SMG1: variants seen among roughly 807,000 people sequenced by gnomAD.
The protein encoded by SMG1 is SMG1 nonsense mediated mRNA decay associated PI3K related kinase.
A neutral mutation model predicts 419.9 loss-of-function variants in SMG1; 22 were observed. The ratio of observed to expected loss-of-function variants is 0.05; its 90% confidence interval spans 0.04 to 0.07. The LOEUF (loss-of-function observed/expected upper bound fraction) is 0.07. Ranked by LOEUF, SMG1 falls within the 10% of genes least tolerant of loss-of-function variation. The pLI, the probability that SMG1 is intolerant of heterozygous loss-of-function variation, is 1.00. For missense variants in SMG1, 3,185 were observed against 4,342.0 expected, an observed-to-expected ratio of 0.73 and a Z score of 7.49; for synonymous variants, 1,538 against 1,553.5, an observed-to-expected ratio of 0.99 and a Z score of 0.23.
chr16:18,841,941 A>G (rs2033950005), intron 40 of SMG1, 147 bp from the exon 41 acceptor site: 1 of 749,918 alleles, frequency 1.3e-6, no homozygotes, highest in Middle Eastern at 3.5e-4. Flanking sequence ...TTTTGGGACA[A>G]GATATTGGCA....
intron 3 of SMG1, among the ~76,000 whole-genome samples, chr16:18,894,006 G>A (rs1305980419): frequency 6.6e-6 from 1 of 151,712 alleles, no homozygotes; most frequent in Non-Finnish European, 1.5e-5. Flanking sequence ...GCAGTGAGCT[G>A]AGATTGCGCC....
intron 58 of SMG1, chr16:18,815,944 CA>C (rs2031962057): frequency 2.2e-6 from 1 of 451,858 alleles, no homozygotes; most frequent in Non-Finnish European, 3.9e-6. Flanking sequence ...GAAGAGACAA[CA>C]TTTCATTCAT....
At chr16:18,831,100 T>C (rs2033144004) in intron 51 of SMG1, among the ~76,000 whole-genome samples, 2 of 152,216 alleles carry the variant, frequency 1.3e-5, no homozygotes, top group East Asian at 3.8e-4. Flanking sequence ...TTTTTATTTA[T>C]GCACATTTTG....
At chr16:18,902,478 A>C (rs1440945427) in intron 1 of SMG1, among the ~76,000 whole-genome samples, 1 of 152,080 alleles carries the variant, frequency 6.6e-6, no homozygotes, top group Non-Finnish European at 1.5e-5. Flanking sequence ...CCAGGCAGGC[A>C]GATCACTTGA....
At position 18,835,042 on chromosome 16, in the gene SMG1, C is replaced by T. The variant is rs766109399; in HGVS notation, c.8180G>A (p.Arg2727His). ...INSRLIRQVE[R>H]LKQEAVTVPV... Reference sequence around the variant, plus strand: ...CACAGTGACAGCTTCCTGTTTCAAGCGTTCCACTTGTCTAATAAGTCTGCT... The same window carrying T: ...CACAGTGACAGCTTCCTGTTTCAAGTGTTCCACTTGTCTAATAAGTCTGCT... Residue 2727 changes from arginine to histidine, a missense_variant, in exon 49 of 63, where the codon CGC becomes CAC. Coordinates refer to ENST00000446231, the MANE Select transcript of SMG1 (RefSeq NM_015092.5). The T allele has an allele frequency of 5.6e-6, 9 of 1,613,982 alleles. No individual in the cohort carries two copies. The East Asian group carries it at 1.1e-4, about 20-fold the overall frequency.
At chr16:18,893,785 T>C (rs2036991035) in intron 3 of SMG1, among the ~76,000 whole-genome samples, 1 of 151,902 alleles carries the variant, frequency 6.6e-6, no homozygotes, top group Non-Finnish European at 1.5e-5. Context: ...AGGCTGGGCA[T>C]GGTGGCTCAC....
chr16:18,863,540 T>TATA, intron 25 of SMG1, 110 bp downstream of exon 25: 1 of 978,656 alleles, frequency 1.0e-6, no homozygotes, highest in Non-Finnish European at 1.6e-6. Flanking sequence ...AAGTTAGATA[T>TATA]ATAACCATTT....
chr16:18,819,485 C>T lies in SMG1; in HGVS notation c.9894+17G>A. Reference sequence around the variant, plus strand: ...TGTAAAAGTGAATACAAAGATGGTGCATGTAAGTCACAATACCTGACTTGC... The same window carrying T: ...TGTAAAAGTGAATACAAAGATGGTGTATGTAAGTCACAATACCTGACTTGC... On this transcript the variant is annotated intron_variant, in intron 56 of 62. Transcript: ENST00000446231. 1.9e-6 allele frequency: 3 copies of T among 1,607,150 alleles called. No homozygotes were observed. Among genetic ancestry groups the T allele is most frequent in the Non-Finnish European group, 2.6e-6 (3 of 1,176,356 alleles).
intron 55 of SMG1, among the ~76,000 whole-genome samples, chr16:18,820,630 C>A (rs2032444252): frequency 6.6e-6 from 1 of 152,142 alleles, no homozygotes; most frequent in Non-Finnish European, 1.5e-5. Flanking sequence ...TCCCCAACTC[C>A]CTCTACTTTC....
At chr16:18,827,992 A>G (rs1473989717) in intron 55 of SMG1, 39 bp downstream of exon 55, 8 of 1,588,352 alleles carry the variant, frequency 5.0e-6, no homozygotes, top group South Asian at 4.6e-5. Flanking sequence ...TTATTTCTAA[A>G]AAGAAAATGC....
Position 18,819,902 on chromosome 16 carries a change from GA to G in SMG1, c.9742-249del, listed in dbSNP as rs1169029338. On this transcript the variant is annotated intron_variant, in intron 55 of 62. Coordinates refer to ENST00000446231, the MANE Select transcript of SMG1 (RefSeq NM_015092.5). Reference sequence around the variant, plus strand: ...TTTATTATCTTAAAACGTACAGAAGGAAGTTTCACTTTCATTTTAAAATAAA... The same window carrying G: ...TTTATTATCTTAAAACGTACAGAAGGAGTTTCACTTTCATTTTAAAATAAA... Among the ~76,000 whole-genome samples, 24 of 152,164 alleles carry G rather than the reference GA, an allele frequency of 1.6e-4. 1 individual carries two copies. The East Asian group carries it at 4.6e-3, about 29-fold the overall frequency.
At chr16:18,921,575 A>C (rs1241357992) in intron 1 of SMG1, among the ~76,000 whole-genome samples, 1 of 152,118 alleles carries the variant, frequency 6.6e-6, no homozygotes, top group Non-Finnish European at 1.5e-5. Context: ...GACTGGTGTG[A>C]AAGTAATTGC....
intron 60 of SMG1, 78 bp from the exon 61 acceptor site, chr16:18,812,205 G>C: frequency 1.5e-6 from 2 of 1,370,884 alleles, no homozygotes; most frequent in Non-Finnish European, 2.0e-6. Context: ...GCACGGGATA[G>C]GTGGTAGTGG....
At chr16:18,842,795 A>G (rs1044983916) in intron 39 of SMG1, among the ~76,000 whole-genome samples, 1 of 152,182 alleles carries the variant, frequency 6.6e-6, no homozygotes, top group Admixed American at 6.5e-5. Flanking sequence ...ACGCCACTAC[A>G]TGCCAGCCTG....
chr16:18,909,610 A>C (rs1436523906), intron 1 of SMG1, among the ~76,000 whole-genome samples: 5 of 152,230 alleles, frequency 3.3e-5, no homozygotes, highest in Non-Finnish European at 4.4e-5. Context: ...TTTAAACGTC[A>C]ATTTAATTAG....
chr16:18,820,180 G>A (rs2032393853), intron 55 of SMG1, among the ~76,000 whole-genome samples: 1 of 152,032 alleles, frequency 6.6e-6, no homozygotes, highest in Admixed American at 6.6e-5. Context: ...TGGCCAGGCT[G>A]GTCTTGAACT....
At chr16:18,830,431 A>C in intron 51 of SMG1, 62 bp from the exon 52 acceptor site, 2 of 1,550,378 alleles carry the variant, frequency 1.3e-6, no homozygotes, top group Non-Finnish European at 1.8e-6. Flanking sequence ...GTGGGAACAT[A>C]CAAAGTCAGT....
chr16:18,885,704 A>G, intron 6 of SMG1, 38 bp from the exon 7 acceptor site: 3 of 1,591,328 alleles, frequency 1.9e-6, no homozygotes, highest in South Asian at 1.1e-5. Flanking sequence ...AACATTCAAC[A>G]AAATAGGGAG....
chr16:18,842,767 T>C (rs922678634), intron 39 of SMG1, among the ~76,000 whole-genome samples: 1 of 152,022 alleles, frequency 6.6e-6, no homozygotes, highest in Non-Finnish European at 1.5e-5. Flanking sequence ...GGGGCAGAGG[T>C]TGCAGAGAGC....
Sources: gnomAD v4.1 joint callset for allele counts (sites outside exome capture counted in the v4.1 genomes callset) on GRCh38, gnomAD v4.1.1 for gene constraint, MANE v1.5 for transcripts, NCBI Gene and HGNC (gene_info 2026-07-23, HGNC 2026-07-21) for gene names.